Variants in KLRG1 observed in about 807,000 individuals in gnomAD.
The protein encoded by KLRG1 is killer cell lectin like receptor G1, also known as killer cell lectin-like receptor subfamily G member 1.
In KLRG1, 16 loss-of-function variants were observed where a neutral mutation model predicts 21.8. The ratio of observed to expected loss-of-function variants is 0.73; its 90% CI spans 0.50 to 1.11. The LOEUF (loss-of-function observed/expected upper bound fraction) is 1.11. KLRG1 is among the 50% of genes most tolerant of loss of function. The probability of loss-of-function intolerance (pLI) is 0.00; values close to 1 mark genes in which losing one functional copy is unlikely to be tolerated. For missense variants in KLRG1, 173 were observed against 218.3 expected (o/e 0.79, Z 1.31); for synonymous variants, 69 against 75.9 (o/e 0.91, Z 0.47).
At chr12:9,162,665 G>A in the KLRG1 span, 23 of 1,560,958 alleles carry the variant, frequency 1.5e-5, no homozygotes, top group Admixed American at 1.2e-4. Context: ...TGAAAGGAAA[G>A]AAAAGGAGAA....
the KLRG1 span, chr12:9,079,675 C>T: frequency 6.2e-7 from 1 of 1,613,712 alleles, no homozygotes; most frequent in African/African-American, 1.3e-5. Flanking sequence ...GACTTGATCT[C>T]TGGAGTAAGC....
At chr12:9,002,593 G>GTT (rs869199812) in intron 3 of KLRG1, among the ~76,000 whole-genome samples, 2 of 144,462 alleles carry the variant, frequency 1.4e-5, no homozygotes, top group African/African-American at 5.0e-5. Context: ...TGTTGTTGTT[G>GTT]TTTGAGACTC....
chr12:9,091,579 G>T, the KLRG1 span: 2 of 792,340 alleles, frequency 2.5e-6, no homozygotes, highest in Non-Finnish European at 3.9e-6. Flanking sequence ...GATTGAGATG[G>T]GAATATAAGT....
the KLRG1 span, among the ~76,000 whole-genome samples, chr12:9,080,968 C>T: frequency 6.6e-6 from 1 of 152,070 alleles, no homozygotes. Flanking sequence ...GATGAACATA[C>T]ATTTACTACA....
At chr12:9,198,518 C>G in the KLRG1 span, among the ~76,000 whole-genome samples, 101 of 152,106 alleles carry the variant, frequency 6.6e-4, no homozygotes, top group African/African-American at 2.4e-3. Context: ...CACAGACACA[C>G]GCACACGTGC....
At chr12:9,176,130 A>G in the KLRG1 span, among the ~76,000 whole-genome samples, 1 of 152,242 alleles carries the variant, frequency 6.6e-6, no homozygotes, top group South Asian at 2.1e-4. Flanking sequence ...ATGCAGCCAT[A>G]AAAAGGATGA....
the KLRG1 span, among the ~76,000 whole-genome samples, chr12:9,033,252 C>T: frequency 2.0e-5 from 3 of 151,894 alleles, no homozygotes; most frequent in Non-Finnish European, 4.4e-5. Context: ...GCCTGGGGAA[C>T]GTAGAAAGTC....
the KLRG1 span, among the ~76,000 whole-genome samples, chr12:9,146,250 TC>T: frequency 6.6e-6 from 1 of 151,994 alleles, no homozygotes; most frequent in Non-Finnish European, 1.5e-5. Context: ...CTGAACTACT[TC>T]CAATGACTGG....
the KLRG1 span, chr12:9,153,374 A>C: frequency 1.9e-6 from 3 of 1,577,928 alleles, no homozygotes; most frequent in Non-Finnish European, 2.6e-6. Context: ...ACCGCCCCAA[A>C]GAGTAAATTT....
the KLRG1 span, among the ~76,000 whole-genome samples, chr12:9,076,373 A>G: frequency 1.3e-5 from 2 of 152,230 alleles, no homozygotes; most frequent in Non-Finnish European, 2.9e-5. Context: ...ACTGAAACAC[A>G]AGGAAGTTAA....
At chr12:9,008,941 A>C in intron 3 of KLRG1, 34 bp from the exon 4 acceptor site, 17 of 1,316,064 alleles carry the variant, frequency 1.3e-5, no homozygotes, top group East Asian at 2.3e-5. Flanking sequence ...CTGTGACACT[A>C]GGTCCCTTTT....
At chr12:9,044,684 C>A in the KLRG1 span, among the ~76,000 whole-genome samples, 76 of 148,690 alleles carry the variant, frequency 5.1e-4, 1 homozygote, top group East Asian at 4.1e-3. Flanking sequence ...AAAAAAAAAA[C>A]CCCAAACAAT....
the KLRG1 span, among the ~76,000 whole-genome samples, chr12:9,168,245 T>C: frequency 1.3e-5 from 2 of 152,184 alleles, no homozygotes; most frequent in Non-Finnish European, 2.9e-5. Context: ...ACTTCACATA[T>C]AGGATATCTG....
At chr12:9,089,965 A>C in the KLRG1 span, 1 of 1,611,934 alleles carries the variant, frequency 6.2e-7, no homozygotes, top group Non-Finnish European at 8.5e-7. Flanking sequence ...AAGGCACCTC[A>C]GTCCCACACA....
At chr12:9,117,210 C>A in the KLRG1 span, among the ~76,000 whole-genome samples, 1,906 of 152,146 alleles carry the variant, frequency 0.013, 36 homozygotes, top group African/African-American at 0.042. Context: ...TACTTCAAAT[C>A]AGAAAGGAAT....
At chr12:9,113,418 C>T in the KLRG1 span, 1 of 1,613,848 alleles carries the variant, frequency 6.2e-7, no homozygotes. Context: ...GAAGAGGCTC[C>T]TGTTTCCCCT....
chr12:9,158,339 C>T, the KLRG1 span: 18 of 1,541,102 alleles, frequency 1.2e-5, no homozygotes, highest in Non-Finnish European at 1.5e-5. Context: ...TTGCAATTTC[C>T]TTGTGCCTCC....
chr12:9,180,943 G>GA, the KLRG1 span: 11 of 1,586,696 alleles, frequency 6.9e-6, no homozygotes, highest in Non-Finnish European at 9.4e-6. Context: ...TGAGCCTCTG[G>GA]AATGGCCCTT....
exon 1 of KLRG1, chr12:8,950,183 G>C (rs1247838776): frequency 6.6e-6 from 1 of 152,276 alleles, no homozygotes; most frequent in Non-Finnish European, 1.5e-5. Flanking sequence ...ACGGGGCCGT[G>C]ATGTGCGTCC....
Sources: gnomAD v4.1 joint callset for allele counts (sites outside exome capture counted in the v4.1 genomes callset) on GRCh38, gnomAD v4.1.1 for gene constraint, MANE v1.5 for transcripts, NCBI Gene and HGNC (gene_info 2026-07-23, HGNC 2026-07-21) for gene names.